Variants in CCDC39 observed in about 807,000 individuals in gnomAD.
CCDC39 encodes the protein coiled-coil domain-containing protein 39.
A neutral mutation model predicts 121.0 loss-of-function variants in CCDC39; 113 were observed. The observed-to-expected ratio is 0.93, with a 90% CI of 0.80 to 1.09. The LOEUF (loss-of-function observed/expected upper bound fraction) is 1.09. Ranked by LOEUF, CCDC39 falls within the 50% of genes least tolerant of loss-of-function variation. The pLI is 0.00. For synonymous variants in CCDC39, 349 were observed against 352.2 expected (o/e 0.99, Z 0.10); for missense variants, 1,063 against 1,074.7 (o/e 0.99, Z 0.15).
At position 180,652,263 on chromosome 3, in the gene CCDC39, C is replaced by A. The variant is rs1461822875; in HGVS notation, c.934G>T (p.Asp312Tyr). ...CTATTCACAGTGGCTTTTAAAGAAT[C>A]CAGCTATTTATTAGTTAACAGACAG... ...TSRIQLKGELDSLKATVNRTS... is the reference protein window; with the variant it reads ...TSRIQLKGELYSLKATVNRTS... The change falls in exon 8 of 20, where the codon GAT becomes TAT. Residue 312 changes from aspartate to tyrosine, a missense_variant. Asp to Tyr is a radical substitution (Grantham distance 160). Coordinates refer to ENST00000476379, the MANE Select transcript of CCDC39 (RefSeq NM_181426.2). 6.7e-7 allele frequency: 1 copy of A among 1,494,184 alleles called. No homozygotes were observed. Among genetic ancestry groups the A allele is most frequent in the Non-Finnish European group, 9.0e-7 (1 of 1,112,202 alleles). 92.6% of individuals were successfully genotyped at this position (1,494,184 alleles called of 1,614,324 possible). A position where few individuals can be genotyped will look rare whatever the true frequency, so the allele number is the denominator to read the frequency against.
intron 2 of CCDC39, among the ~76,000 whole-genome samples, chr3:180,662,679 T>A (rs116651426): frequency 0.014 from 2,132 of 152,284 alleles, 22 homozygotes; most frequent in African/African-American, 0.031. Flanking sequence ...CCCAGCTCAG[T>A]AGTTTAACAA....
chr3:180,641,839 T>G (rs888325327), intron 13 of CCDC39, among the ~76,000 whole-genome samples, 154 bp downstream of exon 13: 2 of 152,136 alleles, frequency 1.3e-5, no homozygotes, highest in East Asian at 1.9e-4. Flanking sequence ...GAGCCTAGAT[T>G]TATGGCTATA....
chr3:180,646,560 T>C (rs904553334), intron 11 of CCDC39, among the ~76,000 whole-genome samples: 6 of 152,160 alleles, frequency 3.9e-5, no homozygotes, highest in Admixed American at 3.9e-4. Flanking sequence ...TCAAATATTA[T>C]AACTAAGTAA....
At position 180,614,398 on chromosome 3, in the gene CCDC39, T is replaced by C. The variant is rs1717140153; in HGVS notation, c.*523A>G. On this transcript the variant is annotated 3_prime_UTR_variant, in exon 20 of 20. Transcript: ENST00000476379. ...TTTGGGGGGGTGGGGTGGGTAGGGG[T>C]TGATGCTATTTTTTGGTTAAAAATT... 1 of 150,862 alleles carries C rather than the reference T, an allele frequency of 6.6e-6. No individual in the cohort carries two copies. Among genetic ancestry groups the C allele is most frequent in the African/African-American group, 2.4e-5 (1 of 41,126 alleles). The allele number at this position is 150,862 out of a possible 1,614,324, so 9.3% of individuals were successfully genotyped here. A position where few individuals can be genotyped will look rare whatever the true frequency, so the allele number is the denominator to read the frequency against.
Position 180,679,240 on chromosome 3 carries a change from G to GC in CCDC39, c.90+50dup. The GC allele has an allele frequency of 6.9e-7, 1 of 1,438,984 alleles. No homozygotes were observed. The highest frequency in any genetic ancestry group is 9.8e-7 in the Non-Finnish European group (1 of 1,020,138). 89.1% of individuals were successfully genotyped at this position (1,438,984 alleles called of 1,614,324 possible). On this transcript the variant is annotated intron_variant, in intron 1 of 19. Transcript: ENST00000476379. The surrounding 1 kb of genome is among the most constrained non-coding windows in gnomAD (Gnocchi z 4.0). ...GGGGTAGTACTGCCAACCAGAAAAC[G>GC]CCCCCAACAGGCTCTCTCTGCTTCC...
chr3:180,619,741 T>C, intron 15 of CCDC39, 70 bp downstream of exon 15: 1 of 921,862 alleles, frequency 1.1e-6, no homozygotes, highest in Non-Finnish European at 1.6e-6. Context: ...TCCTCATGTC[T>C]CACAGTGTTC....
At chr3:180,654,690 C>G in intron 7 of CCDC39, 72 bp downstream of exon 7, 6 of 924,162 alleles carry the variant, frequency 6.5e-6, no homozygotes, top group African/African-American at 1.8e-5. Flanking sequence ...ACAGGAAAAG[C>G]TTTATGCTTA....
At position 180,679,431 on chromosome 3, in the gene CCDC39, A is replaced by G. The variant is rs932776364; in HGVS notation, c.-51T>C. 1 of 1,544,698 alleles carries G rather than the reference A, an allele frequency of 6.5e-7. No individual in the cohort carries two copies. The highest frequency in any genetic ancestry group is 8.9e-7 in the Non-Finnish European group (1 of 1,117,662). The stretch of plus-strand genomic sequence containing the variant: ...AGAGCAAAGATCCGCCTTCTTGTAC[A>G]GCGGGTGAGCAGCACCCGCGTCAAG... On this transcript the variant is annotated 5_prime_UTR_variant, in exon 1 of 20. Transcript: ENST00000476379. The surrounding 1 kb of genome is among the most constrained non-coding windows in gnomAD (Gnocchi z 4.0).
intron 13 of CCDC39, among the ~76,000 whole-genome samples, chr3:180,636,092 A>C (rs1717819302): frequency 6.6e-6 from 1 of 152,182 alleles, no homozygotes; most frequent in Non-Finnish European, 1.5e-5. Context: ...ATAGTATTGG[A>C]AGTCCTGGAC....
rs901195084 is a variant in CCDC39 at position 180,671,186 on chromosome 3, G to A, written c.91-7200C>T. 3.5e-4 allele frequency among the ~76,000 whole-genome samples: 52 copies of A among 147,906 alleles called. 1 individual carries two copies. The highest frequency in any genetic ancestry group is 8.9e-5 in the Non-Finnish European group (6 of 67,534). Reference sequence around the variant, plus strand: ...AGATGGTGTCACTGCACTCCAGCCTGGGTGACAGAGCAAGACTCTGTGTCA... The same window carrying A: ...AGATGGTGTCACTGCACTCCAGCCTAGGTGACAGAGCAAGACTCTGTGTCA... On this transcript the variant is annotated intron_variant, in intron 1 of 19. Coordinates refer to ENST00000476379, the MANE Select transcript of CCDC39 (RefSeq NM_181426.2).
chr3:180,654,722 G>C lies in CCDC39; in HGVS notation c.930+40C>G, dbSNP rs183804219. On this transcript the variant is annotated intron_variant, in intron 7 of 19. Transcript: ENST00000476379. ...CTTATTTTATATTTTATAGTGATTT[G>C]TCGTGAACATACAAGCCAGTCTTTT... The C allele has an allele frequency of 3.9e-3, 5,328 of 1,351,132 alleles. 16 individuals carry two copies. The highest frequency in any genetic ancestry group is 4.1e-3 in the Non-Finnish European group (4,046 of 977,698). 83.7% of individuals were successfully genotyped at this position (1,351,132 alleles called of 1,614,324 possible).
chr3:180,674,278 T>C (rs1409267712), intron 1 of CCDC39, among the ~76,000 whole-genome samples: 7 of 152,158 alleles, frequency 4.6e-5, no homozygotes, highest in Non-Finnish European at 4.4e-5. Context: ...GGCTCTCTGT[T>C]TGTCTGTTAT....
rs545988387 is a variant in CCDC39 at position 180,643,378 on chromosome 3, ATGACAT to A, written c.1665+736_1665+741del. ...GCTCCAAAGAAAAAAAATATGGAAC[ATGACAT>A]AACAGAGAAAAGTGTTTTAAACATT... is the stretch of plus-strand genomic sequence containing the variant. On this transcript the variant is annotated intron_variant, in intron 12 of 19. Coordinates refer to ENST00000476379, the MANE Select transcript of CCDC39 (RefSeq NM_181426.2). Among the ~76,000 whole-genome samples the A allele has an allele frequency of 3.4e-3, 513 of 152,356 alleles. 8 individuals are homozygous for A. The highest frequency in any genetic ancestry group is 0.012 in the African/African-American group (480 of 41,588).
intron 13 of CCDC39, among the ~76,000 whole-genome samples, chr3:180,635,803 C>A (rs1003346549): frequency 5.9e-5 from 9 of 152,140 alleles, no homozygotes. Flanking sequence ...GCTCAACATA[C>A]ACAAATCAAT....
intron 7 of CCDC39, among the ~76,000 whole-genome samples, chr3:180,653,885 C>A (rs1452569719): frequency 6.6e-6 from 1 of 152,016 alleles, no homozygotes; most frequent in Non-Finnish European, 1.5e-5. Flanking sequence ...ATTTTTAACA[C>A]CTAATACAAT....
chr3:180,675,604 T>C (rs949026671), intron 1 of CCDC39, among the ~76,000 whole-genome samples: 3 of 152,194 alleles, frequency 2.0e-5, no homozygotes, highest in African/African-American at 4.8e-5. Context: ...TCCTGCTTTC[T>C]CTTGTGGGCA....
intron 14 of CCDC39, among the ~76,000 whole-genome samples, chr3:180,629,507 C>T (rs1468530638): frequency 1.3e-5 from 2 of 152,216 alleles, no homozygotes; most frequent in African/African-American, 4.8e-5. Context: ...GGAGGGCCCA[C>T]TAGAAAATGC....
At chr3:180,654,633 A>G (rs1385385493) in intron 7 of CCDC39, 129 bp downstream of exon 7, 6 of 565,202 alleles carry the variant, frequency 1.1e-5, no homozygotes, top group Middle Eastern at 3.1e-4. Flanking sequence ...TTAAAAAAAA[A>G]AAAAGAAAAA....
chr3:180,642,479 C>T (rs1005307828), intron 12 of CCDC39, among the ~76,000 whole-genome samples: 2 of 151,802 alleles, frequency 1.3e-5, no homozygotes, highest in Admixed American at 6.6e-5. Context: ...GTTAAACTTA[C>T]GCTATCCAAA....
Sources: gnomAD v4.1 joint callset for allele counts (sites outside exome capture counted in the v4.1 genomes callset) on GRCh38, gnomAD v4.1.1 for gene constraint, Gnocchi (gnomAD v3.1) non-coding constraint, MANE v1.5 for transcripts, NCBI Gene and HGNC (gene_info 2026-07-23, HGNC 2026-07-21) for gene names.